Variants in FARP1 observed in about 807,000 individuals in gnomAD.
The protein encoded by FARP1 is FERM, ARH/RhoGEF and pleckstrin domain protein 1, also known as FERM, ARHGEF and pleckstrin domain-containing protein 1.
In FARP1, 52 loss-of-function variants were observed where a neutral mutation model predicts 128.8. The ratio of observed to expected loss-of-function variants is 0.40; its 90% CI spans 0.32 to 0.51. The LOEUF is 0.51. FARP1 is among the 20% of genes least tolerant of loss of function. FARP1 has a pLI of 0.45. For synonymous variants in FARP1, 580 were observed against 551.8 expected, an observed-to-expected ratio of 1.05 and a Z score of -0.72; for missense variants, 1,333 against 1,367.9, an observed-to-expected ratio of 0.97 and a Z score of 0.40.
chr13:98,190,500 C>T (rs774942621), intron 1 of FARP1, among the ~76,000 whole-genome samples: 9 of 152,204 alleles, frequency 5.9e-5, no homozygotes, highest in Non-Finnish European at 7.3e-5. Context: ...AGGAAATTAG[C>T]AGGATCCCTT....
chr13:98,347,491 G>A (rs536290668), intron 3 of FARP1, among the ~76,000 whole-genome samples: 10 of 152,102 alleles, frequency 6.6e-5, no homozygotes, highest in Admixed American at 3.9e-4. Context: ...AAGTGGAATC[G>A]TGTGGTCTTT....
chr13:98,175,022 G>C (rs1386562087), intron 1 of FARP1, among the ~76,000 whole-genome samples: 1 of 152,126 alleles, frequency 6.6e-6, no homozygotes, highest in Non-Finnish European at 1.5e-5. Context: ...GGAAAGTTTT[G>C]CCGAAGTTCG....
intron 10 of FARP1, 83 bp from the exon 11 acceptor site, chr13:98,390,729 G>A (rs965634454): frequency 3.8e-6 from 4 of 1,052,056 alleles, no homozygotes; most frequent in Admixed American, 3.5e-5. Context: ...AGGAGGGGAA[G>A]TGAAGCCCTG....
chr13:98,347,448 C>T (rs1161894492), intron 3 of FARP1, among the ~76,000 whole-genome samples: 1 of 152,182 alleles, frequency 6.6e-6, no homozygotes, highest in African/African-American at 2.4e-5. Context: ...CTTTCTGTTA[C>T]TGAGTCTATC....
intron 2 of FARP1, among the ~76,000 whole-genome samples, chr13:98,283,849 C>A (rs1885051150): frequency 6.6e-6 from 1 of 152,108 alleles, no homozygotes; most frequent in Non-Finnish European, 1.5e-5. Context: ...TAAAATAAAT[C>A]CCAAAATGTT....
Position 98,449,747 on chromosome 13 carries a change from A to C in FARP1, c.*1430A>C, listed in dbSNP as rs540090922. On this transcript the variant is annotated 3_prime_UTR_variant, in exon 27 of 27. Coordinates refer to ENST00000319562, the MANE Select transcript of FARP1 (RefSeq NM_005766.4). ...AATACCTCACGCCACAATCCAGCAT[A>C]TTGATGTTTTAAGGCAAAACAACCA... 4.1e-5 allele frequency: 6 copies of C among 144,678 alleles called. No individual in the cohort carries two copies. The highest frequency in any genetic ancestry group is 7.5e-5 in the Non-Finnish European group (5 of 66,612). The allele number at this position is 144,678 out of a possible 1,614,324, so 9.0% of individuals were successfully genotyped here.
chr13:98,370,197 C>T (rs185713542), intron 5 of FARP1, among the ~76,000 whole-genome samples: 16 of 152,276 alleles, frequency 1.1e-4, no homozygotes, highest in African/African-American at 3.9e-4. Context: ...ACTGAGAGAG[C>T]TTTCTAGAGA....
intron 2 of FARP1, among the ~76,000 whole-genome samples, chr13:98,313,824 G>A (rs771448098): frequency 1.4e-4 from 21 of 152,168 alleles, no homozygotes; most frequent in Non-Finnish European, 1.8e-4. Context: ...TCCTCATCTC[G>A]GCCCGCTCTT....
intron 1 of FARP1, among the ~76,000 whole-genome samples, chr13:98,157,931 G>T (rs551257124): frequency 1.5e-4 from 23 of 152,300 alleles, no homozygotes; most frequent in African/African-American, 5.5e-4. Context: ...CCTTCTGCAG[G>T]ATGAGGTTCT....
At chr13:98,375,005 C>T (rs757040275) in intron 5 of FARP1, among the ~76,000 whole-genome samples, 1 of 152,186 alleles carries the variant, frequency 6.6e-6, no homozygotes, top group Non-Finnish European at 1.5e-5. Flanking sequence ...CCTTGACAAC[C>T]CAAACACCTT....
rs530179403 is a variant in FARP1, at chr13:98,440,736, C to G, written c.2696C>G (p.Ser899Trp). Residue 899 changes from serine (S) to tryptophan (W), a missense_variant, in exon 24 of 27, where the codon TCG becomes TGG. Transcript: ENST00000319562. ...GATGACCTGAGCGCCTCGCGCACATCGCTGGAGCGCCAGGCCCCGCACCGC... is the reference window on the plus strand; with the variant it reads ...GATGACCTGAGCGCCTCGCGCACATGGCTGGAGCGCCAGGCCCCGCACCGC... The part of the protein sequence containing the change: ...SEDDLSASRT[S>W]LERQAPHRGN... The G allele has an allele frequency of 1.2e-6, 2 of 1,613,488 alleles. No individual in the cohort carries two copies. Among genetic ancestry groups the G allele is most frequent in the South Asian group, 1.1e-5 (1 of 91,064 alleles).
chr13:98,251,512 A>T (rs1333596680), intron 2 of FARP1, among the ~76,000 whole-genome samples: 1 of 151,832 alleles, frequency 6.6e-6, no homozygotes, highest in African/African-American at 2.4e-5. Context: ...GTGAAACCCC[A>T]CCTCTACTAA....
At chr13:98,194,652 A>G (rs1169060228) in intron 1 of FARP1, among the ~76,000 whole-genome samples, 2 of 152,220 alleles carry the variant, frequency 1.3e-5, no homozygotes, top group African/African-American at 2.4e-5. Context: ...ATTATTTTAG[A>G]TCAAGTAAAA....
Position 98,446,124 on chromosome 13 carries a change from G to A in FARP1, c.2823G>A (p.Arg941=), listed in dbSNP as rs1892819491. 6.2e-7 allele frequency: 1 copy of A among 1,614,060 alleles called. No individual in the cohort carries two copies. The highest frequency in any genetic ancestry group is 8.5e-7 in the Non-Finnish European group (1 of 1,179,896). The change falls in exon 25 of 27, where the codon AGG becomes AGA. Residue 941 remains arginine, a synonymous_variant. Transcript: ENST00000319562. ...VENQLSGNLL[R]KFKNSNGWQK... is the part of the protein sequence containing the mutation. ...ATCAGTTGTCTGGAAACCTGCTGAGGAAATTCAAAAACAGCAACGGGTGGC... is the reference window on the plus strand; with the variant it reads ...ATCAGTTGTCTGGAAACCTGCTGAGAAAATTCAAAAACAGCAACGGGTGGC...
At chr13:98,395,574 GTCCCGATCCCGGTCCCGA>G (rs1003277685) in intron 13 of FARP1, 98 bp downstream of exon 13, 20 of 1,397,138 alleles carry the variant, frequency 1.4e-5, no homozygotes, top group African/African-American at 2.9e-5. Flanking sequence ...GAGAACAAGC[GTCCCGATCCCGGTCCCGA>G]TCCCGGTCCC....
chr13:98,208,007 A>G (rs1474587374), intron 1 of FARP1, among the ~76,000 whole-genome samples: 1 of 142,598 alleles, frequency 7.0e-6, no homozygotes, highest in Non-Finnish European at 1.5e-5. Flanking sequence ...TCTCTCTTCC[A>G]CTTCGGTGAA....
In FARP1 at chr13:98,448,831, G is replaced by A; in HGVS notation, c.*514G>A. On this transcript the variant is annotated 3_prime_UTR_variant, in exon 27 of 27. Transcript: ENST00000319562. Reference sequence around the variant, plus strand: ...TTTTTTTTTCAGTCTTTCTACTTTTGTAATAATAGGAAGTTAGTAGGACTC... The same window carrying A: ...TTTTTTTTTCAGTCTTTCTACTTTTATAATAATAGGAAGTTAGTAGGACTC... 6.6e-6 allele frequency: 1 copy of A among 151,346 alleles called. No homozygotes were observed. The highest frequency in any genetic ancestry group is 1.5e-5 in the Non-Finnish European group (1 of 68,176). 9.4% of individuals were successfully genotyped at this position (151,346 alleles called of 1,614,324 possible). A position where few individuals can be genotyped will look rare whatever the true frequency, so the allele number is the denominator to read the frequency against.
At chr13:98,366,990 G>T (rs1430833914) in intron 4 of FARP1, among the ~76,000 whole-genome samples, 1 of 152,114 alleles carries the variant, frequency 6.6e-6, no homozygotes, top group East Asian at 1.9e-4. Flanking sequence ...TTTGTAATAG[G>T]ACAGTTAAAA....
rs745963568 is a variant in FARP1 at position 98,435,681 on chromosome 13, T to C, written c.2249T>C (p.Ile750Thr). 4 of 1,614,086 alleles carry C rather than the reference T, an allele frequency of 2.5e-6. No homozygotes were observed. In the East Asian group the frequency reaches 6.7e-5, roughly 27 times the overall value. The change falls in exon 19 of 27, where the codon ATT becomes ACT. Residue 750 changes from isoleucine to threonine, a missense_variant. Coordinates refer to ENST00000319562, the MANE Select transcript of FARP1 (RefSeq NM_005766.4). ...GAACTCAAGAAAGATTTGATTGGCATTGACAATCTTGTGGTTCCGGGAAGG... is the reference window on the plus strand; with the variant it reads ...GAACTCAAGAAAGATTTGATTGGCACTGACAATCTTGTGGTTCCGGGAAGG... ...LHELKKDLIG[I>T]DNLVVPGREF...
Sources: allele counts gnomAD v4.1 joint callset (sites outside exome capture counted in the v4.1 genomes callset), GRCh38; gene constraint gnomAD v4.1.1; transcripts MANE v1.5; gene names NCBI Gene and HGNC (gene_info 2026-07-23, HGNC 2026-07-21).